Variants in XYLT2 observed in about 807,000 individuals in gnomAD.
XYLT2 encodes UDP-D-xylose:proteoglycan core protein beta-D-xylosyltransferase.
A neutral mutation model predicts 82.6 loss-of-function variants in XYLT2; 37 were observed. The observed-to-expected ratio is 0.45, with a 90% CI of 0.34 to 0.59. XYLT2 has a LOEUF of 0.59. XYLT2 is among the 20% of genes least tolerant of loss of function. XYLT2 has a pLI of 0.01. For missense variants in XYLT2, 934 were observed against 1,181.3 expected (o/e 0.79, Z 3.07); for synonymous variants, 474 against 499.0 (o/e 0.95, Z 0.67).
chr17:50,360,222 C>A lies in XYLT2; in HGVS notation c.2529C>A (p.Ser843Arg). 1.2e-6 allele frequency: 2 copies of A among 1,613,980 alleles called. No individual in the cohort carries two copies. The highest frequency in any genetic ancestry group is 8.5e-7 in the Non-Finnish European group (1 of 1,179,930). Residue 843 changes from serine to arginine, a missense_variant, in exon 11 of 11, where the codon AGC (serine) becomes AGA (arginine). By Grantham distance (110) the Ser-to-Arg change is moderately radical (BLOSUM62 -1). Transcript: ENST00000017003. ...CCCTGGAGCCCTGCAGACTGACCAG[C>A]TGGAGCTCTCTGTCCCCCGACCCCA... is the stretch of plus-strand genomic sequence containing the variant. Reference protein sequence around the residue: ...CPSLEPCRLTSWSSLSPDPKS... With the variant: ...CPSLEPCRLTRWSSLSPDPKS...
chr17:50,358,742 A>C (rs768827358), intron 10 of XYLT2, among the ~76,000 whole-genome samples: 1 of 152,222 alleles, frequency 6.6e-6, no homozygotes, highest in Admixed American at 6.5e-5. Context: ...CTTTACAGTC[A>C]TGCACACTTG....
At position 50,360,051 on chromosome 17, in the gene XYLT2, C is replaced by T; in HGVS notation, c.2358C>T (p.Asn786=). Residue 786 remains asparagine, a synonymous_variant, in exon 11 of 11, where the codon AAC becomes AAT. Coordinates refer to ENST00000017003, the MANE Select transcript of XYLT2 (RefSeq NM_022167.4). ...TCCAGGGCCTGAGTAGCATCCTGAA[C>T]CTGCCTCAGCCGGAGCTCGCGGAGG... is the stretch of plus-strand genomic sequence containing the variant. The part of the protein sequence containing the change: ...QSFQGLSSIL[N]LPQPELAEEA... 6.2e-7 allele frequency: 1 copy of T among 1,614,024 alleles called. No homozygotes were observed.
chr17:50,356,030 G>T, intron 6 of XYLT2, 33 bp downstream of exon 6: 1 of 1,614,186 alleles, frequency 6.2e-7, no homozygotes, highest in South Asian at 1.1e-5. Context: ...AGGCCAGGGA[G>T]GGCGTGGGTT....
chr17:50,357,346 AT>A, intron 9 of XYLT2, 94 bp downstream of exon 9: 1 of 1,312,852 alleles, frequency 7.6e-7, no homozygotes, highest in Non-Finnish European at 1.0e-6. Context: ...GGGTAAGGTT[AT>A]TTTTCCCAGT....
chr17:50,360,095 C>T lies in XYLT2; in HGVS notation c.2402C>T (p.Thr801Ile), dbSNP rs6504649. The T allele has an allele frequency of 6.8e-6, 11 of 1,613,632 alleles. No individual in the cohort carries two copies. The Admixed American group carries it at 1.2e-4, about 17-fold the overall frequency. ...GCGGAGGAGGCTGCCCAGCGGCACA[C>T]ACAGCTCACAGGCCCTGCGCTCGAG... Reference protein sequence around the residue: ...ELAEEAAQRHTQLTGPALEAW... With the variant: ...ELAEEAAQRHIQLTGPALEAW... Residue 801 changes from threonine (T) to isoleucine (I), a missense_variant, in exon 11 of 11, where the codon ACA becomes ATA. Thr to Ile is a moderately conservative substitution (Grantham distance 89). Transcript: ENST00000017003.
intron 9 of XYLT2, 86 bp from the exon 10 acceptor site, chr17:50,358,121 C>A: frequency 7.9e-7 from 1 of 1,270,192 alleles, no homozygotes; most frequent in Non-Finnish European, 1.1e-6. Flanking sequence ...AGTGACTGGC[C>A]TGAGATTACA....
chr17:50,355,435 T>C, intron 4 of XYLT2, 66 bp from the exon 5 acceptor site: 1 of 1,543,878 alleles, frequency 6.5e-7, no homozygotes, highest in African/African-American at 1.4e-5. Context: ...AGCCAGAAGG[T>C]CCGCTCTGGG....
Position 50,356,014 on chromosome 17 carries a change from G to A in XYLT2, c.1305+17G>A. ...CCAGCCGAGGTGGGTAGCCCAGCAGGCATGAAGGCCAGGGAGGGCGTGGGT... is the reference window on the plus strand; with the variant it reads ...CCAGCCGAGGTGGGTAGCCCAGCAGACATGAAGGCCAGGGAGGGCGTGGGT... On this transcript the variant is annotated intron_variant, in intron 6 of 10. Transcript: ENST00000017003. 1.2e-6 allele frequency: 2 copies of A among 1,614,226 alleles called. No homozygotes were observed. The highest frequency in any genetic ancestry group is 1.7e-6 in the Non-Finnish European group (2 of 1,180,036).
chr17:50,350,097 C>T (rs146418865), intron 1 of XYLT2, among the ~76,000 whole-genome samples: 3 of 144,874 alleles, frequency 2.1e-5, no homozygotes, highest in South Asian at 2.2e-4. Context: ...GCACGAGAAT[C>T]GCTTGAACCT....
rs1002664073 is a variant in XYLT2, at chr17:50,357,392, C to T, written c.1941+140C>T. 3.8e-6 allele frequency: 3 copies of T among 797,442 alleles called. No homozygotes were observed. In the African/African-American group the frequency reaches 5.2e-5, roughly 14 times the overall value. The allele number at this position is 797,442 out of a possible 1,614,324, so 49.4% of individuals were successfully genotyped here. A position where few individuals can be genotyped will look rare whatever the true frequency, so the allele number is the denominator to read the frequency against. ...CATGGTGATGCCCCCATGCAGACAT[C>T]CTGTGTCACCCCCCAGCCTGTGCAC... On this transcript the variant is annotated intron_variant, in intron 9 of 10. Coordinates refer to ENST00000017003, the MANE Select transcript of XYLT2 (RefSeq NM_022167.4).
At chr17:50,359,638 G>A (rs781036486) in intron 10 of XYLT2, 19 of 281,242 alleles carry the variant, frequency 6.8e-5, no homozygotes, top group Non-Finnish European at 1.1e-4. Flanking sequence ...TGAAGTGCCC[G>A]AGTACAGGCT....
chr17:50,353,055 G>T (rs1368131629), intron 1 of XYLT2, among the ~76,000 whole-genome samples: 1 of 152,194 alleles, frequency 6.6e-6, no homozygotes, highest in East Asian at 1.9e-4. Flanking sequence ...ACTCTGTCTT[G>T]ATCTGCTTCC....
chr17:50,346,335 G>T lies in XYLT2; in HGVS notation c.135+60G>T, dbSNP rs942622719. The T allele has an allele frequency of 1.3e-5, 13 of 1,004,372 alleles. No homozygotes were observed. Among genetic ancestry groups the T allele is most frequent in the Non-Finnish European group, 1.5e-5 (13 of 843,822 alleles). 62.2% of individuals were successfully genotyped at this position (1,004,372 alleles called of 1,614,324 possible). ...CGCGGGGGCGCGCGGGGTCCTGGCG[G>T]GGCTGCGGGCGGCCCCAGCCGGGGA... On this transcript the variant is annotated intron_variant, in intron 1 of 10. Transcript: ENST00000017003. This position sits in a 1 kb window ranked among gnomAD's most constrained non-coding sequence, Gnocchi z 5.1.
chr17:50,352,293 C>G (rs373308143), intron 1 of XYLT2, among the ~76,000 whole-genome samples: 26 of 152,286 alleles, frequency 1.7e-4, no homozygotes, highest in African/African-American at 6.3e-4. Flanking sequence ...GGCCCAGAGC[C>G]CTGGAGGCTC....
chr17:50,354,163 A>T, intron 2 of XYLT2, 41 bp downstream of exon 2: 1 of 1,597,662 alleles, frequency 6.3e-7, no homozygotes, highest in Non-Finnish European at 8.5e-7. Flanking sequence ...AGGCGGGGGC[A>T]GGGGGGTGGC....
At chr17:50,349,416 G>A (rs1912163677) in intron 1 of XYLT2, among the ~76,000 whole-genome samples, 3 of 152,088 alleles carry the variant, frequency 2.0e-5, no homozygotes. Context: ...CTTCTCGGAT[G>A]GGAATGGGCG....
rs1489029442 is a variant in XYLT2, at chr17:50,346,230, G to A, written c.90G>A (p.Leu30=). ...TALAILLLQG[L]VVWSFSGLEE... is the part of the protein sequence containing the mutation. Reference sequence around the variant, plus strand: ...TGGCCATCCTGCTGCTGCAGGGCCTGGTAGTGTGGAGCTTCAGCGGCCTGG... The same window carrying A: ...TGGCCATCCTGCTGCTGCAGGGCCTAGTAGTGTGGAGCTTCAGCGGCCTGG... The change falls in exon 1 of 11, where the codon CTG becomes CTA. Residue 30 remains leucine, a synonymous_variant. Transcript: ENST00000017003. The surrounding 1 kb of genome is among the most constrained non-coding windows in gnomAD (Gnocchi z 5.1). 38 of 1,258,358 alleles carry A rather than the reference G, an allele frequency of 3.0e-5. No individual in the cohort carries two copies. Among genetic ancestry groups the A allele is most frequent in the Non-Finnish European group, 3.8e-5 (37 of 974,592 alleles). The allele number at this position is 1,258,358 out of a possible 1,614,324, so 77.9% of individuals were successfully genotyped here. A position where few individuals can be genotyped will look rare whatever the true frequency, so the allele number is the denominator to read the frequency against.
Position 50,358,560 on chromosome 17 carries a change from A to G in XYLT2, c.2275+20A>G. On this transcript the variant is annotated intron_variant, in intron 10 of 10. Coordinates refer to ENST00000017003, the MANE Select transcript of XYLT2 (RefSeq NM_022167.4). ...GGAAAGGTAAGCGTGCAGTTCTCAA[A>G]TGAGGCCCAGAAGCCAGACAGAATA... 5 of 1,595,454 alleles carry G rather than the reference A, an allele frequency of 3.1e-6. No homozygotes were observed. Among genetic ancestry groups the G allele is most frequent in the Non-Finnish European group, 4.3e-6 (5 of 1,168,432 alleles).
chr17:50,360,661 C>T lies in XYLT2; in HGVS notation c.*370C>T. ...AGATGTGCAATAGGGCTCAGAGCAGCCCCAGGAAGTGGGCCATGTCTGTGG... is the reference window on the plus strand; with the variant it reads ...AGATGTGCAATAGGGCTCAGAGCAGTCCCAGGAAGTGGGCCATGTCTGTGG... On this transcript the variant is annotated 3_prime_UTR_variant, in exon 11 of 11. Transcript: ENST00000017003. 1 of 1,007,814 alleles carries T rather than the reference C, an allele frequency of 9.9e-7. No homozygotes were observed. The allele number at this position is 1,007,814 out of a possible 1,614,324, so 62.4% of individuals were successfully genotyped here.
Sources: gnomAD v4.1 joint callset for allele counts (sites outside exome capture counted in the v4.1 genomes callset) on GRCh38, gnomAD v4.1.1 for gene constraint, Gnocchi (gnomAD v3.1) non-coding constraint, MANE v1.5 for transcripts, NCBI Gene and HGNC (gene_info 2026-07-23, HGNC 2026-07-21) for gene names.